The following PLCXD3 variants were observed in gnomAD, a reference collection of about 807,000 sequenced individuals.
The protein encoded by PLCXD3 is phosphatidylinositol specific phospholipase C X domain containing 3, also known as PI-PLC X domain-containing protein 3.
PLCXD3 carries 19 observed loss-of-function variants against 25.5 expected under a neutral mutation model. That is an observed-to-expected ratio of 0.75 (90% CI 0.52 to 1.09). The LOEUF is 1.09. PLCXD3 is among the 50% of genes least tolerant of loss of function. The pLI is 0.00. For synonymous variants in PLCXD3, 174 were observed against 137.6 expected, an observed-to-expected ratio of 1.26 and a Z score of -1.85; for missense variants, 411 against 388.1, an observed-to-expected ratio of 1.06 and a Z score of -0.50.
At chr5:41,369,953 C>T (rs1285380400) in intron 2 of PLCXD3, among the ~76,000 whole-genome samples, 1 of 152,172 alleles carries the variant, frequency 6.6e-6, no homozygotes, top group East Asian at 1.9e-4. Flanking sequence ...TTCCAAAGGG[C>T]AGTCTGTGCT....
At chr5:41,436,824 G>A (rs1317915455) in intron 1 of PLCXD3, among the ~76,000 whole-genome samples, 6 of 152,090 alleles carry the variant, frequency 3.9e-5, no homozygotes, top group Non-Finnish European at 5.9e-5. Flanking sequence ...AGTATTGAAA[G>A]CCAAAATAAT....
chr5:41,506,808 A>C (rs1749059680), intron 1 of PLCXD3, among the ~76,000 whole-genome samples: 1 of 152,204 alleles, frequency 6.6e-6, no homozygotes. Flanking sequence ...AGGCACAATC[A>C]TTGATTTATA....
intron 2 of PLCXD3, among the ~76,000 whole-genome samples, chr5:41,374,725 G>A (rs1745235274): frequency 6.6e-6 from 1 of 152,080 alleles, no homozygotes; most frequent in Non-Finnish European, 1.5e-5. Flanking sequence ...TCTCCTCAGG[G>A]ATATGTAGCT....
chr5:41,494,222 AG>A (rs1748786190), intron 1 of PLCXD3, among the ~76,000 whole-genome samples: 1 of 152,212 alleles, frequency 6.6e-6, no homozygotes, highest in Non-Finnish European at 1.5e-5. Flanking sequence ...CAGCCTCCTA[AG>A]TAGCTGGGAC....
intron 1 of PLCXD3, among the ~76,000 whole-genome samples, chr5:41,395,745 G>A (rs1745982725): frequency 6.6e-6 from 1 of 152,040 alleles, no homozygotes; most frequent in Non-Finnish European, 1.5e-5. Flanking sequence ...AACCTAGCAA[G>A]ACTGAACCAA....
intron 1 of PLCXD3, among the ~76,000 whole-genome samples, chr5:41,501,738 C>T (rs1748955780): frequency 6.6e-6 from 1 of 151,964 alleles, no homozygotes; most frequent in African/African-American, 2.4e-5. Context: ...TGCTAAGAAG[C>T]CAAAGGAAGA....
At chr5:41,332,260 A>C (rs1438863895) in intron 2 of PLCXD3, among the ~76,000 whole-genome samples, 2 of 152,150 alleles carry the variant, frequency 1.3e-5, no homozygotes, top group Non-Finnish European at 1.5e-5. Context: ...AAAAACAAAC[A>C]ACCCCATCAA....
At position 41,382,496 on chromosome 5, in the gene PLCXD3, A is replaced by G. The variant is rs1561253417; in HGVS notation, c.142T>C (p.Ser48Pro). 2 of 1,606,520 alleles carry G rather than the reference A, an allele frequency of 1.2e-6. No homozygotes were observed. Among genetic ancestry groups the G allele is most frequent in the African/African-American group, 2.7e-5 (2 of 74,874 alleles). ...DSFSFYIDEA[S>P]PVGPEQPETV... ...TCTGGCTGCTCAGGACCTACTGGAG[A>G]GGCTTCATCAATGTAGAAGCTGAAG... The change falls in exon 2 of 3, where the codon TCT (serine) becomes CCT (proline). Residue 48 changes from serine to proline, a missense_variant. By Grantham distance (74) the Ser-to-Pro change is moderately conservative. Coordinates refer to ENST00000377801, the MANE Select transcript of PLCXD3 (RefSeq NM_001005473.3).
chr5:41,371,144 T>A (rs2150488711), intron 2 of PLCXD3, among the ~76,000 whole-genome samples: 2 of 152,316 alleles, frequency 1.3e-5, no homozygotes, highest in South Asian at 4.1e-4. Context: ...TCTGGGCTTT[T>A]GCATAGAAAC....
chr5:41,401,662 T>C (rs1393478226), intron 1 of PLCXD3, among the ~76,000 whole-genome samples: 1 of 152,050 alleles, frequency 6.6e-6, no homozygotes, highest in Non-Finnish European at 1.5e-5. Flanking sequence ...AGACTCTTGA[T>C]TTTCTAAAAG....
chr5:41,408,182 A>T (rs1561264241), intron 1 of PLCXD3, among the ~76,000 whole-genome samples: 1 of 152,194 alleles, frequency 6.6e-6, no homozygotes, highest in Admixed American at 6.5e-5. Context: ...ATATGAATTT[A>T]TTTTTAAAGA....
Position 41,382,023 on chromosome 5 carries a change from A to G in PLCXD3, c.615T>C (p.Phe205=). The G allele has an allele frequency of 1.2e-6, 2 of 1,613,544 alleles. No individual in the cohort carries two copies. The highest frequency in any genetic ancestry group is 1.7e-6 in the Non-Finnish European group (2 of 1,179,730). Residue 205 remains phenylalanine (F), a synonymous_variant, in exon 2 of 3, where the codon TTT becomes TTC. Transcript: ENST00000377801. ...CTGGCATCATCTGCCCAGGCCAGAG[A>G]AAGGGCACTTCCAGAGCCACTGGAC... The part of the protein sequence containing the change: ...YHSPVALEVP[F]LWPGQMMPAP...
At chr5:41,410,192 T>G (rs868287100) in intron 1 of PLCXD3, among the ~76,000 whole-genome samples, 26 of 148,368 alleles carry the variant, frequency 1.8e-4, no homozygotes, top group Middle Eastern at 3.6e-3. Flanking sequence ...CAGGCTGGAG[T>G]ACAGTGGCGT....
At chr5:41,415,553 A>G (rs1026166115) in intron 1 of PLCXD3, among the ~76,000 whole-genome samples, 6 of 152,210 alleles carry the variant, frequency 3.9e-5, no homozygotes, top group African/African-American at 7.2e-5. Flanking sequence ...GTTCACAATG[A>G]CGTTGCCCAT....
At chr5:41,346,503 A>T (rs1294391715) in intron 2 of PLCXD3, among the ~76,000 whole-genome samples, 1 of 152,052 alleles carries the variant, frequency 6.6e-6, no homozygotes, top group Non-Finnish European at 1.5e-5. Context: ...CCTCCCCTAA[A>T]CCAAAACCTT....
intron 2 of PLCXD3, among the ~76,000 whole-genome samples, chr5:41,361,645 A>G (rs181176346): frequency 2.8e-4 from 43 of 152,342 alleles, no homozygotes; most frequent in Non-Finnish European, 5.0e-4. Context: ...TACCTCACTC[A>G]TTCTCCAAAT....
intron 1 of PLCXD3, among the ~76,000 whole-genome samples, chr5:41,385,904 T>A (rs552638841): frequency 6.6e-6 from 1 of 152,144 alleles, no homozygotes; most frequent in East Asian, 1.9e-4. Context: ...ATGAGTAAGC[T>A]TGGAAATAAT....
chr5:41,393,315 C>T (rs1410389793), intron 1 of PLCXD3, among the ~76,000 whole-genome samples: 1 of 151,832 alleles, frequency 6.6e-6, no homozygotes, highest in Non-Finnish European at 1.5e-5. Context: ...CCTAAAAGTA[C>T]CAAGAAAAAA....
rs868380836 is a variant in PLCXD3 at position 41,331,674 on chromosome 5, G to A, written c.813-17904C>T. ...AAAAGAACAAAGCTGGAGGCATCAC[G>A]CTACCTGACTTCAAACTATACTACA... On this transcript the variant is annotated intron_variant, in intron 2 of 2. Transcript: ENST00000377801. Among the ~76,000 whole-genome samples the A allele has an allele frequency of 6.3e-4, 96 of 152,180 alleles. No homozygotes were observed. In the East Asian group the frequency reaches 7.3e-3, roughly 12 times the overall value.
Sources: allele counts gnomAD v4.1 joint callset (sites outside exome capture counted in the v4.1 genomes callset), GRCh38; gene constraint gnomAD v4.1.1; transcripts MANE v1.5; gene names NCBI Gene and HGNC (gene_info 2026-07-23, HGNC 2026-07-21).